Variants in TRPC7 observed in about 807,000 individuals in gnomAD.
TRPC7 encodes transient receptor potential cation channel subfamily C member 7, also known as short transient receptor potential channel 7.
A neutral mutation model predicts 90.1 loss-of-function variants in TRPC7; 42 were observed. The ratio of observed to expected loss-of-function variants is 0.47; its 90% CI spans 0.36 to 0.60. TRPC7 has a LOEUF of 0.60. TRPC7 is among the 20% of genes least tolerant of loss of function. The pLI is 0.00. For missense variants in TRPC7, 955 were observed against 1,112.3 expected (o/e 0.86, Z 2.01); for synonymous variants, 451 against 436.3 (o/e 1.03, Z -0.42).
chr5:136,353,633 G>A (rs893731425), intron 2 of TRPC7, among the ~76,000 whole-genome samples: 4 of 152,126 alleles, frequency 2.6e-5, no homozygotes, highest in African/African-American at 7.2e-5. Context: ...CACATATAAG[G>A]CTAACTGAAT....
At chr5:136,298,375 G>T (rs1389703538) in intron 3 of TRPC7, among the ~76,000 whole-genome samples, 1 of 152,224 alleles carries the variant, frequency 6.6e-6, no homozygotes, top group African/African-American at 2.4e-5. Context: ...TGTGAGGTGA[G>T]TTAGACAGGG....
At chr5:136,281,868 A>G (rs2149818960) in intron 3 of TRPC7, among the ~76,000 whole-genome samples, 1 of 152,368 alleles carries the variant, frequency 6.6e-6, no homozygotes, top group South Asian at 2.1e-4. Flanking sequence ...TTTGACTGGT[A>G]TAATATTTCT....
Position 136,291,432 on chromosome 5 carries a change from A to G in TRPC7, c.964-16595T>C, listed in dbSNP as rs189318830. ...CAGAGACACACATAGGCTCAAAATA[A>G]AGGGATGGAGGAAGATCTACCAAGC... On this transcript the variant is annotated intron_variant, in intron 3 of 11. Coordinates refer to ENST00000513104, the MANE Select transcript of TRPC7 (RefSeq NM_020389.3). Among the ~76,000 whole-genome samples, 7 of 152,338 alleles carry G rather than the reference A, an allele frequency of 4.6e-5. No homozygotes were observed. The East Asian group carries it at 7.7e-4, about 17-fold the overall frequency.
chr5:136,262,945 A>G (rs1561692564), intron 5 of TRPC7, among the ~76,000 whole-genome samples: 3 of 152,216 alleles, frequency 2.0e-5, no homozygotes, highest in Admixed American at 1.3e-4. Context: ...TGTGCAGCAG[A>G]GCTCCAGAGA....
intron 2 of TRPC7, among the ~76,000 whole-genome samples, chr5:136,342,920 C>T (rs1002575450): frequency 6.6e-6 from 1 of 151,976 alleles, no homozygotes; most frequent in Admixed American, 6.6e-5. Context: ...AGATAGAACA[C>T]TGGAATGGAA....
chr5:136,280,731 G>A (rs1269063382), intron 3 of TRPC7, among the ~76,000 whole-genome samples: 2 of 152,206 alleles, frequency 1.3e-5, no homozygotes, highest in South Asian at 2.1e-4. Flanking sequence ...TGTGTGCCAT[G>A]TACCATGTAA....
At chr5:136,216,334 C>G in intron 10 of TRPC7, 59 bp from the exon 11 acceptor site, 1 of 1,378,982 alleles carries the variant, frequency 7.3e-7, no homozygotes, top group Non-Finnish European at 1.0e-6. Context: ...AGGCAGCCTG[C>G]GTGGTGTAGC....
intron 3 of TRPC7, among the ~76,000 whole-genome samples, chr5:136,288,224 C>A (rs543464522): frequency 1.3e-5 from 2 of 152,096 alleles, no homozygotes; most frequent in South Asian, 2.1e-4. Flanking sequence ...CACCAAGCAG[C>A]AGTTAATATG....
At chr5:136,311,522 A>C (rs1044780270) in intron 3 of TRPC7, among the ~76,000 whole-genome samples, 1 of 152,190 alleles carries the variant, frequency 6.6e-6, no homozygotes, top group Non-Finnish European at 1.5e-5. Flanking sequence ...AAGTTTCCTC[A>C]GCATGTGTTT....
intron 3 of TRPC7, among the ~76,000 whole-genome samples, chr5:136,281,407 G>A (rs1436095360): frequency 1.3e-5 from 2 of 152,196 alleles, no homozygotes; most frequent in Non-Finnish European, 2.9e-5. Context: ...GCCTTGAAAA[G>A]TGCAGACTCC....
At chr5:136,303,729 G>C (rs1758492478) in intron 3 of TRPC7, 2 of 151,814 alleles carry the variant, frequency 1.3e-5, no homozygotes. Context: ...CTGGAACTCT[G>C]GCCCAAGGCT....
chr5:136,342,086 A>G (rs1759863927), intron 2 of TRPC7, among the ~76,000 whole-genome samples: 3 of 151,942 alleles, frequency 2.0e-5, no homozygotes, highest in South Asian at 2.1e-4. Context: ...TCCATCCGCT[A>G]CTCTACCACT....
At chr5:136,363,175 T>C (rs550156893) in intron 1 of TRPC7, among the ~76,000 whole-genome samples, 3 of 152,298 alleles carry the variant, frequency 2.0e-5, no homozygotes, top group Admixed American at 2.0e-4. Context: ...GCATATGATG[T>C]CCCTTGGTGA....
intron 2 of TRPC7, among the ~76,000 whole-genome samples, chr5:136,322,933 A>G (rs1759241031): frequency 6.6e-6 from 1 of 152,214 alleles, no homozygotes. Context: ...TTATGTTCAC[A>G]TTCTCTTAGT....
intron 5 of TRPC7, among the ~76,000 whole-genome samples, chr5:136,259,560 C>T (rs1756789733): frequency 6.6e-6 from 1 of 152,216 alleles, no homozygotes. Context: ...CTTCTGACCG[C>T]TTTCTGGGAA....
intron 10 of TRPC7, among the ~76,000 whole-genome samples, chr5:136,219,840 A>G (rs1396915530): frequency 5.3e-5 from 8 of 152,234 alleles, no homozygotes; most frequent in Admixed American, 4.6e-4. Flanking sequence ...ACAACTTGGT[A>G]TCTGCAAAAA....
Position 136,212,862 on chromosome 5 carries a change from A to AC in TRPC7, c.*572dup, listed in dbSNP as rs1412446891. On this transcript the variant is annotated 3_prime_UTR_variant, in exon 12 of 12. Coordinates refer to ENST00000513104, the MANE Select transcript of TRPC7 (RefSeq NM_020389.3). ...TTGTTGTTGTTTTCTAAACAGTGCTACCTACAGTACAGTTTTCAATTTAGG... is the reference window on the plus strand; with the variant it reads ...TTGTTGTTGTTTTCTAAACAGTGCTACCCTACAGTACAGTTTTCAATTTAGG... 2.6e-5 allele frequency among the ~76,000 whole-genome samples: 4 copies of AC among 152,202 alleles called. No individual in the cohort carries two copies. Among genetic ancestry groups the AC allele is most frequent in the Non-Finnish European group, 5.9e-5 (4 of 68,032 alleles).
chr5:136,312,081 G>A (rs768380329), intron 3 of TRPC7, among the ~76,000 whole-genome samples: 1 of 152,138 alleles, frequency 6.6e-6, no homozygotes, highest in Non-Finnish European at 1.5e-5. Context: ...ACATTAATAA[G>A]TGTTTGGACC....
chr5:136,279,878 C>A (rs1457661417), intron 3 of TRPC7, among the ~76,000 whole-genome samples: 6 of 152,180 alleles, frequency 3.9e-5, no homozygotes, highest in African/African-American at 1.4e-4. Context: ...TGGTTTAACA[C>A]CTCAGCAGCC....
Sources: gnomAD v4.1 joint callset for allele counts (sites outside exome capture counted in the v4.1 genomes callset) on GRCh38, gnomAD v4.1.1 for gene constraint, MANE v1.5 for transcripts, NCBI Gene and HGNC (gene_info 2026-07-23, HGNC 2026-07-21) for gene names.